The following RPS6KC1 variants were observed in gnomAD, a reference collection of about 807,000 sequenced individuals.
RPS6KC1 encodes the protein ribosomal protein S6 kinase C1.
RPS6KC1 carries 54 observed loss-of-function variants against 103.8 expected under a neutral mutation model. That is an observed-to-expected ratio of 0.52 (90% CI 0.42 to 0.65). RPS6KC1 has a LOEUF of 0.65. Among genes scored for constraint, RPS6KC1 ranks in the 30% least tolerant of loss-of-function variants. The pLI is 0.00. For synonymous variants in RPS6KC1, 439 were observed against 438.7 expected (o/e 1.00, Z -0.01); for missense variants, 1,151 against 1,253.8 (o/e 0.92, Z 1.24).
chr1:213,242,119 A>T lies in RPS6KC1; in HGVS notation c.2643A>T (p.Glu881Asp). Reference sequence around the variant, plus strand: ...GTTTAGTGCTAGAAGGAGACAAGGAAATACATCAGATTTTTGAGGACCTTG... The same window carrying T: ...GTTTAGTGCTAGAAGGAGACAAGGATATACATCAGATTTTTGAGGACCTTG... Reference protein sequence around the residue: ...ESGLVLEGDKEIHQIFEDLDK... With the variant: ...ESGLVLEGDKDIHQIFEDLDK... The change falls in exon 11 of 15, where the codon GAA becomes GAT. Residue 881 changes from glutamate to aspartate, a missense_variant. Glu to Asp is a conservative substitution (Grantham distance 45). Coordinates refer to ENST00000366960, the MANE Select transcript of RPS6KC1 (RefSeq NM_012424.6). 1.2e-6 allele frequency: 2 copies of T among 1,613,810 alleles called. No homozygotes were observed. The highest frequency in any genetic ancestry group is 1.7e-6 in the Non-Finnish European group (2 of 1,179,788).
At chr1:213,443,856 C>T in the RPS6KC1 span, among the ~76,000 whole-genome samples, 2 of 151,940 alleles carry the variant, frequency 1.3e-5, no homozygotes, top group South Asian at 2.1e-4. Context: ...AGTGAGATCG[C>T]GCCACTGCAC....
At chr1:213,335,381 C>T in the RPS6KC1 span, among the ~76,000 whole-genome samples, 1 of 152,234 alleles carries the variant, frequency 6.6e-6, no homozygotes, top group Non-Finnish European at 1.5e-5. Flanking sequence ...CTAATGTGAA[C>T]GTCCAGGTAG....
At chr1:213,619,394 T>TA in the RPS6KC1 span, among the ~76,000 whole-genome samples, 1 of 152,176 alleles carries the variant, frequency 6.6e-6, no homozygotes, top group African/African-American at 2.4e-5. Context: ...TGGCTGCTTA[T>TA]AAAAAATAAC....
chr1:213,438,075 G>GA, the RPS6KC1 span, among the ~76,000 whole-genome samples: 1 of 151,696 alleles, frequency 6.6e-6, no homozygotes, highest in Non-Finnish European at 1.5e-5. Context: ...TATCTAATCT[G>GA]GTGTTCAACT....
the RPS6KC1 span, among the ~76,000 whole-genome samples, chr1:213,647,103 G>A: frequency 2.0e-5 from 3 of 152,062 alleles, no homozygotes; most frequent in Middle Eastern, 3.4e-3. Context: ...TAGAGACAAA[G>A]GTTCGCCACG....
chr1:213,457,583 A>G, the RPS6KC1 span, among the ~76,000 whole-genome samples: 1 of 152,332 alleles, frequency 6.6e-6, no homozygotes, highest in East Asian at 1.9e-4. Context: ...TTCAACTACC[A>G]GAGCTCAGGT....
chr1:213,662,952 G>C, the RPS6KC1 span, among the ~76,000 whole-genome samples: 1 of 152,194 alleles, frequency 6.6e-6, no homozygotes, highest in East Asian at 1.9e-4. Flanking sequence ...TCCGAGAAGT[G>C]TTCCCTGAAT....
the RPS6KC1 span, among the ~76,000 whole-genome samples, chr1:213,332,293 A>G: frequency 6.6e-6 from 1 of 152,246 alleles, no homozygotes; most frequent in Non-Finnish European, 1.5e-5. Context: ...CAGTGTATTA[A>G]GTGGTGTACC....
At chr1:213,559,109 A>G in the RPS6KC1 span, among the ~76,000 whole-genome samples, 3 of 152,194 alleles carry the variant, frequency 2.0e-5, no homozygotes, top group East Asian at 5.8e-4. Flanking sequence ...CAAAACCATC[A>G]AATTGAAATC....
At chr1:213,673,762 A>C in the RPS6KC1 span, among the ~76,000 whole-genome samples, 5 of 152,144 alleles carry the variant, frequency 3.3e-5, no homozygotes. Context: ...ATTTAGTGTG[A>C]ATTGGGTTTG....
chr1:213,635,329 T>A, the RPS6KC1 span, among the ~76,000 whole-genome samples: 1 of 152,156 alleles, frequency 6.6e-6, no homozygotes, highest in Non-Finnish European at 1.5e-5. Flanking sequence ...AAAAAGAGAA[T>A]TTTAGACCAA....
the RPS6KC1 span, among the ~76,000 whole-genome samples, chr1:213,671,730 G>A: frequency 6.6e-6 from 1 of 152,190 alleles, no homozygotes; most frequent in African/African-American, 2.4e-5. Context: ...GTTGCAGTGA[G>A]CAGAGATCGT....
At chr1:213,363,640 TTCTTTCTTTCTTTCTTTC>T in the RPS6KC1 span, among the ~76,000 whole-genome samples, 1 of 51,094 alleles carries the variant, frequency 2.0e-5, no homozygotes, top group African/African-American at 1.7e-4. Flanking sequence ...CTTTCTTTCT[TTCTTTCTTTCTTTCTTTC>T]TTTCTTTCTT....
At chr1:213,610,166 C>T in the RPS6KC1 span, among the ~76,000 whole-genome samples, 3 of 152,222 alleles carry the variant, frequency 2.0e-5, no homozygotes, top group East Asian at 1.9e-4. Context: ...ACTGTGGAGT[C>T]GCAGTGAGGT....
At chr1:213,267,222 C>T (rs2094932747) in intron 14 of RPS6KC1, among the ~76,000 whole-genome samples, 1 of 151,794 alleles carries the variant, frequency 6.6e-6, no homozygotes, top group Non-Finnish European at 1.5e-5. Flanking sequence ...TTGAATACAA[C>T]CTCTGTTCAG....
chr1:213,133,673 C>T (rs764519509), intron 6 of RPS6KC1, among the ~76,000 whole-genome samples: 1 of 152,040 alleles, frequency 6.6e-6, no homozygotes, highest in Non-Finnish European at 1.5e-5. Context: ...GTTCCAGGTG[C>T]CAAAAGTACT....
the RPS6KC1 span, among the ~76,000 whole-genome samples, chr1:213,529,496 G>A: frequency 2.0e-5 from 3 of 152,168 alleles, no homozygotes; most frequent in African/African-American, 7.2e-5. Flanking sequence ...CCTTGTACAA[G>A]TCTTCAAAGT....
chr1:213,597,357 G>A, the RPS6KC1 span, among the ~76,000 whole-genome samples: 4 of 152,314 alleles, frequency 2.6e-5, no homozygotes, highest in East Asian at 5.8e-4. Flanking sequence ...AGGGTCATGG[G>A]TTTGGGCCAT....
At chr1:213,712,514 G>A in the RPS6KC1 span, among the ~76,000 whole-genome samples, 1 of 152,206 alleles carries the variant, frequency 6.6e-6, no homozygotes, top group African/African-American at 2.4e-5. Context: ...CCCTTTCCAG[G>A]GGAGTCAACG....
Sources: allele counts gnomAD v4.1 joint callset (sites outside exome capture counted in the v4.1 genomes callset), GRCh38; gene constraint gnomAD v4.1.1; transcripts MANE v1.5; gene names NCBI Gene and HGNC (gene_info 2026-07-23, HGNC 2026-07-21).